The following MCTP1 variants were observed in gnomAD, a reference collection of about 807,000 sequenced individuals.
MCTP1 encodes the protein multiple C2 and transmembrane domain-containing protein 1.
MCTP1 carries 69 observed loss-of-function variants against 120.6 expected under a neutral mutation model. The ratio of observed to expected loss-of-function variants is 0.57; its 90% CI spans 0.47 to 0.70. The LOEUF (loss-of-function observed/expected upper bound fraction) is 0.70, where lower values mean the gene tolerates loss of function less well. MCTP1 is among the 30% of genes least tolerant of loss of function. The pLI is 0.00. For synonymous variants in MCTP1, 529 were observed against 493.1 expected (o/e 1.07, Z -0.96); for missense variants, 1,203 against 1,248.8 (o/e 0.96, Z 0.55).
At chr5:94,811,592 T>C (rs1783423956) in intron 17 of MCTP1, among the ~76,000 whole-genome samples, 1 of 152,214 alleles carries the variant, frequency 6.6e-6, no homozygotes, top group Admixed American at 6.5e-5. Flanking sequence ...CCAAATCTGT[T>C]TTCTTTTATA....
intron 1 of MCTP1, among the ~76,000 whole-genome samples, chr5:95,241,754 G>C (rs1471057753): frequency 1.3e-5 from 2 of 152,084 alleles, no homozygotes; most frequent in Non-Finnish European, 2.9e-5. Flanking sequence ...ATTTACACTG[G>C]CATTACAGTC....
intron 19 of MCTP1, among the ~76,000 whole-genome samples, chr5:94,742,960 C>CT (rs1195718917): frequency 6.6e-6 from 1 of 152,014 alleles, no homozygotes; most frequent in East Asian, 1.9e-4. Flanking sequence ...TAAACAAATC[C>CT]TTAGGATACT....
chr5:94,970,179 C>G (rs766590814), intron 2 of MCTP1, among the ~76,000 whole-genome samples: 3 of 151,958 alleles, frequency 2.0e-5, no homozygotes, highest in African/African-American at 2.4e-5. Context: ...TAGTAGAAGG[C>G]AGTTCAGGTA....
chr5:94,818,315 A>T (rs171659), intron 17 of MCTP1, among the ~76,000 whole-genome samples: 33,671 of 152,102 alleles, frequency 0.22, 4,828 homozygotes, highest in East Asian at 0.63. Context: ...ATCTTGGTGT[A>T]ATTCTTACAG....
intron 19 of MCTP1, among the ~76,000 whole-genome samples, chr5:94,734,457 T>C (rs1763761856): frequency 6.6e-6 from 1 of 152,236 alleles, no homozygotes; most frequent in African/African-American, 2.4e-5. Context: ...AATCATGTGG[T>C]TACTATGTGT....
intron 17 of MCTP1, among the ~76,000 whole-genome samples, chr5:94,822,372 C>G (rs192381712): frequency 2.0e-5 from 3 of 152,310 alleles, no homozygotes; most frequent in Non-Finnish European, 4.4e-5. Flanking sequence ...ATCCATGTCC[C>G]TGCAAAGGGC....
chr5:95,068,345 G>A (rs1015812857), intron 1 of MCTP1, among the ~76,000 whole-genome samples: 1 of 152,156 alleles, frequency 6.6e-6, no homozygotes, highest in East Asian at 1.9e-4. Context: ...GGTGGGGTAT[G>A]AAGATATGTT....
At chr5:94,982,544 T>G (rs567112846) in intron 2 of MCTP1, among the ~76,000 whole-genome samples, 74 of 152,086 alleles carry the variant, frequency 4.9e-4, no homozygotes, top group African/African-American at 1.8e-3. Context: ...TTATGTTACT[T>G]ATATGGCAAA....
intron 1 of MCTP1, among the ~76,000 whole-genome samples, chr5:95,168,406 A>C (rs1200720633): frequency 3.9e-5 from 6 of 152,180 alleles, no homozygotes; most frequent in Non-Finnish European, 5.9e-5. Flanking sequence ...TATGAACTTT[A>C]AAGTAGTTTT....
chr5:95,275,735 T>G (rs1244526879), intron 1 of MCTP1, among the ~76,000 whole-genome samples: 2 of 152,140 alleles, frequency 1.3e-5, no homozygotes, highest in East Asian at 1.9e-4. Context: ...CCCATCTCAA[T>G]TCTAACTAGC....
At chr5:94,853,900 G>A (rs1323276996) in intron 17 of MCTP1, among the ~76,000 whole-genome samples, 2 of 151,860 alleles carry the variant, frequency 1.3e-5, no homozygotes, top group Non-Finnish European at 2.9e-5. Context: ...TTATCTAGCT[G>A]ACAGCCTGAA....
At chr5:95,177,250 A>G (rs961505278) in intron 1 of MCTP1, among the ~76,000 whole-genome samples, 6 of 152,096 alleles carry the variant, frequency 3.9e-5, no homozygotes, top group African/African-American at 1.4e-4. Context: ...TGGAGATTTA[A>G]TGAGTCCAAA....
At chr5:95,196,958 A>G (rs562908925) in intron 1 of MCTP1, among the ~76,000 whole-genome samples, 1 of 152,352 alleles carries the variant, frequency 6.6e-6, no homozygotes, top group East Asian at 1.9e-4. Flanking sequence ...AAAAATTAAG[A>G]GTATTAAACC....
intron 1 of MCTP1, among the ~76,000 whole-genome samples, chr5:95,153,988 T>C (rs1379861580): frequency 6.6e-6 from 1 of 152,226 alleles, no homozygotes; most frequent in Non-Finnish European, 1.5e-5. Context: ...CTGAAAGTCA[T>C]GCCCGAAAGA....
chr5:95,038,113 G>T, intron 1 of MCTP1: 1 of 984,936 alleles, frequency 1.0e-6, no homozygotes, highest in Non-Finnish European at 1.2e-6. Flanking sequence ...CATGGTCACA[G>T]GTGCACAGCT....
chr5:94,765,216 A>G lies in MCTP1; in HGVS notation c.2610+13894T>C, dbSNP rs533464351. Among the ~76,000 whole-genome samples, 88 of 152,076 alleles carry G rather than the reference A, an allele frequency of 5.8e-4. 2 individuals carry two copies. The South Asian group carries it at 0.013, about 22-fold the overall frequency. ...TAACAAATAAAAATAGAAACACAAC[A>G]TGCCAAAACCTATGGAATATAGCAA... is the stretch of plus-strand genomic sequence containing the variant. On this transcript the variant is annotated intron_variant, in intron 19 of 22. Coordinates refer to ENST00000515393, the MANE Select transcript of MCTP1 (RefSeq NM_024717.7).
intron 11 of MCTP1, among the ~76,000 whole-genome samples, chr5:94,891,193 A>T: frequency 6.7e-6 from 1 of 148,578 alleles, no homozygotes; most frequent in African/African-American, 2.4e-5. Context: ...TTAATCTTTT[A>T]TTGTTTTTAA....
intron 10 of MCTP1, among the ~76,000 whole-genome samples, chr5:94,902,796 T>C (rs1235051601): frequency 6.6e-6 from 1 of 152,218 alleles, no homozygotes; most frequent in Non-Finnish European, 1.5e-5. Context: ...TTAGAAGTTG[T>C]CACTGTTCAA....
chr5:95,037,916 A>T (rs1044444584), intron 1 of MCTP1, among the ~76,000 whole-genome samples: 2 of 152,142 alleles, frequency 1.3e-5, no homozygotes, highest in Non-Finnish European at 2.9e-5. Context: ...CCACCTACTT[A>T]TTCTCTGCTG....
Sources: gnomAD v4.1 joint callset for allele counts (sites outside exome capture counted in the v4.1 genomes callset) on GRCh38, gnomAD v4.1.1 for gene constraint, MANE v1.5 for transcripts, NCBI Gene and HGNC (gene_info 2026-07-23, HGNC 2026-07-21) for gene names.